SLC22A23: variants seen among roughly 807,000 people sequenced by gnomAD.
SLC22A23 encodes the protein solute carrier family 22 member 23, also known as ion transporter protein.
SLC22A23 carries 26 observed loss-of-function variants against 61.0 expected under a neutral mutation model. The ratio of observed to expected loss-of-function variants is 0.43; its 90% CI spans 0.31 to 0.59. The LOEUF is 0.59. Among genes scored for constraint, SLC22A23 ranks in the 20% least tolerant of loss-of-function variants. The pLI, the probability that SLC22A23 is intolerant of heterozygous loss-of-function variation, is 0.11. For missense variants in SLC22A23, 796 were observed against 934.7 expected (o/e 0.85, Z 1.94); for synonymous variants, 430 against 413.9 (o/e 1.04, Z -0.47).
chr6:3,449,088 ACAAG>A (rs1772051324), intron 1 of SLC22A23, among the ~76,000 whole-genome samples: 1 of 152,246 alleles, frequency 6.6e-6, no homozygotes, highest in African/African-American at 2.4e-5. Flanking sequence ...GGACGTTGTT[ACAAG>A]CAAGTCAACG....
chr6:3,294,944 A>C (rs1760940225), intron 5 of SLC22A23, among the ~76,000 whole-genome samples: 1 of 152,248 alleles, frequency 6.6e-6, no homozygotes, highest in African/African-American at 2.4e-5. Context: ...CTGGACCCCT[A>C]CACGTACCTC....
At chr6:3,450,474 T>C (rs1581909652) in intron 1 of SLC22A23, among the ~76,000 whole-genome samples, 1 of 152,106 alleles carries the variant, frequency 6.6e-6, no homozygotes, top group Admixed American at 6.5e-5. Context: ...GCCCGGCTAA[T>C]TTTTGTATTT....
intron 3 of SLC22A23, among the ~76,000 whole-genome samples, chr6:3,353,709 T>G (rs1217435553): frequency 6.6e-6 from 1 of 152,178 alleles, no homozygotes; most frequent in African/African-American, 2.4e-5. Context: ...TCTTCTGCCC[T>G]GTGCACTGCC....
intron 1 of SLC22A23, chr6:3,444,899 G>A: frequency 2.0e-6 from 2 of 985,558 alleles, no homozygotes; most frequent in Non-Finnish European, 2.4e-6. Context: ...CCTTCCAGGT[G>A]TGGCCTTCAG....
intron 1 of SLC22A23, chr6:3,445,021 ACGTG>A: frequency 3.1e-6 from 3 of 977,700 alleles, no homozygotes; most frequent in Non-Finnish European, 3.6e-6. Context: ...TTTGCCAGGT[ACGTG>A]GGGGTGGGGC....
At chr6:3,316,865 T>C (rs1404656336) in intron 4 of SLC22A23, among the ~76,000 whole-genome samples, 2 of 152,220 alleles carry the variant, frequency 1.3e-5, no homozygotes, top group Non-Finnish European at 2.9e-5. Flanking sequence ...CTTGAACTGC[T>C]GTGCTCACGT....
rs1213268165 is a variant in SLC22A23 at position 3,324,954 on chromosome 6, C to T, written c.914-952G>A. Among the ~76,000 whole-genome samples, 1 of 152,146 alleles carries T rather than the reference C, an allele frequency of 6.6e-6. No individual in the cohort carries two copies. Among genetic ancestry groups the T allele is most frequent in the Non-Finnish European group, 1.5e-5 (1 of 68,034 alleles). On this transcript the variant is annotated intron_variant, in intron 3 of 9. Coordinates refer to ENST00000406686, the MANE Select transcript of SLC22A23 (RefSeq NM_015482.2). This position sits in a 1 kb window ranked among gnomAD's most constrained non-coding sequence, Gnocchi z 4.3. ...ACTACGTGAATCACCATAATGAAAG[C>T]CCTTTATAGTAGAAAAAGCAGCTGG...
At chr6:3,362,855 TG>T (rs1169553665) in intron 3 of SLC22A23, among the ~76,000 whole-genome samples, 1 of 75,874 alleles carries the variant, frequency 1.3e-5, no homozygotes, top group African/African-American at 4.5e-5. Flanking sequence ...GCAAGGGGAA[TG>T]GGGTGGTGGG....
chr6:3,283,934 A>G lies in SLC22A23; in HGVS notation c.1621T>C (p.Ser541Pro). The change falls in exon 9 of 10, where the codon TCC (serine) becomes CCC (proline). Residue 541 changes from serine to proline, a missense_variant. Ser to Pro is a moderately conservative substitution (Grantham distance 74). Transcript: ENST00000406686. ...SVKDKFSIAFSIVGMFASHAV... is the reference protein window; with the variant it reads ...SVKDKFSIAFPIVGMFASHAV... ...TGGGAGGCAAACATGCCCACGATGG[A>G]AAACGCGATGGAAAATTTGTCCTTG... 2 of 1,608,734 alleles carry G rather than the reference A, an allele frequency of 1.2e-6. No individual in the cohort carries two copies. The highest frequency in any genetic ancestry group is 1.7e-4 in the Middle Eastern group (1 of 6,048).
rs1443746327 is a variant in SLC22A23, at chr6:3,323,985, G to C, written c.931C>G (p.Pro311Ala). 2.5e-6 allele frequency: 4 copies of C among 1,614,182 alleles called. No individual in the cohort carries two copies. The highest frequency in any genetic ancestry group is 2.5e-6 in the Non-Finnish European group (3 of 1,180,020). Reference sequence around the variant, plus strand: ...ATCGTAATCATGAACCGTTTTCCAGGGGGGCACAGCTCTATTCCTAGAACA... The same window carrying C: ...ATCGTAATCATGAACCGTTTTCCAGCGGGGCACAGCTCTATTCCTAGAACA... ...LYALRIELCP[P>A]GKRFMITMVA... The change falls in exon 4 of 10, where the codon CCT (proline) becomes GCT (alanine). Residue 311 changes from proline to alanine, a missense_variant. By Grantham distance (27) the Pro-to-Ala change is conservative. Coordinates refer to ENST00000406686, the MANE Select transcript of SLC22A23 (RefSeq NM_015482.2).
intron 1 of SLC22A23, among the ~76,000 whole-genome samples, chr6:3,451,663 G>A (rs186376795): frequency 7.9e-4 from 120 of 152,258 alleles, no homozygotes; most frequent in Non-Finnish European, 1.0e-3. Context: ...GCTGAGCTGC[G>A]GCCCTGTTTG....
At chr6:3,389,181 T>C (rs1196851264) in intron 3 of SLC22A23, among the ~76,000 whole-genome samples, 1 of 137,228 alleles carries the variant, frequency 7.3e-6, no homozygotes, top group African/African-American at 2.8e-5. Context: ...GGCAGGAGAA[T>C]CACTGCAACC....
intron 4 of SLC22A23, among the ~76,000 whole-genome samples, chr6:3,300,576 C>G (rs1011878949): frequency 6.6e-6 from 1 of 152,196 alleles, no homozygotes; most frequent in African/African-American, 2.4e-5. Context: ...CTGGACCTCT[C>G]AGCCTCCAGA....
At chr6:3,446,011 C>T (rs181838918) in intron 1 of SLC22A23, among the ~76,000 whole-genome samples, 24 of 152,250 alleles carry the variant, frequency 1.6e-4, no homozygotes, top group Non-Finnish European at 5.9e-5. Context: ...CCTGGCTAGC[C>T]GGGACTAAGA....
intron 3 of SLC22A23, among the ~76,000 whole-genome samples, chr6:3,358,983 C>T (rs1198092805): frequency 1.3e-5 from 2 of 152,164 alleles, no homozygotes; most frequent in Non-Finnish European, 2.9e-5. Flanking sequence ...CATGTCAGCG[C>T]CATGTCAGGT....
At position 3,410,449 on chromosome 6, in the gene SLC22A23, CT is replaced by C. The variant is rs1192473198; in HGVS notation, c.759-108del. ...GCACTCAATATATGTTGAATGAGTA[CT>C]GGGTAAAAAGTCCTGTGCCATCTAT... On this transcript the variant is annotated intron_variant, in intron 2 of 9. Transcript: ENST00000406686. This position sits in a 1 kb window ranked among gnomAD's most constrained non-coding sequence, Gnocchi z 5.0. 3 of 1,238,502 alleles carry C rather than the reference CT, an allele frequency of 2.4e-6. No homozygotes were observed. Among genetic ancestry groups the C allele is most frequent in the Non-Finnish European group, 3.3e-6 (3 of 909,694 alleles). The allele number at this position is 1,238,502 out of a possible 1,614,324, so 76.7% of individuals were successfully genotyped here. A position where few individuals can be genotyped will look rare whatever the true frequency, so the allele number is the denominator to read the frequency against.
At position 3,317,816 on chromosome 6, in the gene SLC22A23, G is replaced by A. The variant is rs1210772452; in HGVS notation, c.1082+6018C>T. ...TCAAGTTTGACTCTGCAAACCACAC[G>A]AGAGGACCAGGCGAGCGCACCCTCC... On this transcript the variant is annotated intron_variant, in intron 4 of 9. Coordinates refer to ENST00000406686, the MANE Select transcript of SLC22A23 (RefSeq NM_015482.2). The surrounding 1 kb of genome is among the most constrained non-coding windows in gnomAD (Gnocchi z 4.4). Among the ~76,000 whole-genome samples, 3 of 152,120 alleles carry A rather than the reference G, an allele frequency of 2.0e-5. No homozygotes were observed. The highest frequency in any genetic ancestry group is 1.9e-4 in the East Asian group (1 of 5,192).
chr6:3,286,957 A>G lies in SLC22A23; in HGVS notation c.1448T>C (p.Met483Thr), dbSNP rs766205435. The G allele has an allele frequency of 5.0e-6, 8 of 1,614,088 alleles. No individual in the cohort carries two copies. The highest frequency in any genetic ancestry group is 1.1e-5 in the South Asian group (1 of 91,082). Residue 483 changes from methionine to threonine, a missense_variant, in exon 7 of 10, where the codon ATG (methionine) becomes ACG (threonine). By Grantham distance (81) the Met-to-Thr change is moderately conservative. Transcript: ENST00000406686. The surrounding 1 kb of genome is among the most constrained non-coding windows in gnomAD (Gnocchi z 4.2). The stretch of plus-strand genomic sequence containing the variant: ...CCCGAGGAATCGGACCACCACGCAC[A>G]TGGCCAGGCAGGACACCAGCGCGAT... ...ASIALVSCLA[M>T]CVVVRFLGRR...
chr6:3,306,222 T>C (rs1761964371), intron 4 of SLC22A23, among the ~76,000 whole-genome samples: 1 of 152,098 alleles, frequency 6.6e-6, no homozygotes, highest in African/African-American at 2.4e-5. Context: ...CTCATTACCG[T>C]GGGGAGCGTA....
Sources: allele counts gnomAD v4.1 joint callset (sites outside exome capture counted in the v4.1 genomes callset), GRCh38; gene constraint gnomAD v4.1.1; non-coding constraint Gnocchi (gnomAD v3.1); transcripts MANE v1.5; gene names NCBI Gene and HGNC (gene_info 2026-07-23, HGNC 2026-07-21).